ZNF652: variants seen among roughly 807,000 people sequenced by gnomAD.
ZNF652 encodes the protein zinc finger protein 652.
In ZNF652, 16 loss-of-function variants were observed where a neutral mutation model predicts 45.2. That is an observed-to-expected ratio of 0.35 (90% confidence interval 0.24 to 0.54). The LOEUF (loss-of-function observed/expected upper bound fraction) is 0.54. Ranked by LOEUF, ZNF652 falls within the 20% of genes least tolerant of loss-of-function variation. The pLI is 0.91. For synonymous variants in ZNF652, 250 were observed against 260.6 expected, an observed-to-expected ratio of 0.96 and a Z score of 0.39; for missense variants, 614 against 765.6, an observed-to-expected ratio of 0.80 and a Z score of 2.34.
intron 1 of ZNF652, among the ~76,000 whole-genome samples, chr17:49,349,190 G>C (rs962658765): frequency 1.3e-5 from 2 of 152,158 alleles, no homozygotes; most frequent in African/African-American, 4.8e-5. Context: ...AGTACTTTGG[G>C]AAGGATTGAA....
rs527648691 is a variant in ZNF652, at chr17:49,331,999, A to G, written c.-258-14016T>C. 1.2e-4 allele frequency among the ~76,000 whole-genome samples: 18 copies of G among 151,538 alleles called. 1 individual carries two copies. In the South Asian group the frequency reaches 3.8e-3, roughly 32 times the overall value. ...ATAAAATAAAATAAAATATAAAATA[A>G]AAGGCTGGGCATGGTGGCTCACACC... On this transcript the variant is annotated intron_variant, in intron 1 of 5. Coordinates refer to ENST00000430262, the MANE Select transcript of ZNF652 (RefSeq NM_001145365.3).
chr17:49,322,978 T>C lies in ZNF652; in HGVS notation c.-258-4995A>G, dbSNP rs1181575092. The stretch of plus-strand genomic sequence containing the variant: ...CCGATGGGGGGTCTTGCTTCAATGT[T>C]GATGGCTTCTGCATGATCAGGGTGG... On this transcript the variant is annotated intron_variant, in intron 1 of 5. Transcript: ENST00000430262. Among the ~76,000 whole-genome samples, 4 of 152,336 alleles carry C rather than the reference T, an allele frequency of 2.6e-5. No individual in the cohort carries two copies. In the Middle Eastern group the frequency reaches 0.014, roughly 518 times the overall value.
chr17:49,357,414 A>G (rs918828783), intron 1 of ZNF652, among the ~76,000 whole-genome samples: 4 of 152,194 alleles, frequency 2.6e-5, no homozygotes, highest in Non-Finnish European at 5.9e-5. Context: ...ATAAAATCTG[A>G]CAGGTAAAGA....
Position 49,326,001 on chromosome 17 carries a change from C to T in ZNF652, c.-258-8018G>A, listed in dbSNP as rs527820749. On this transcript the variant is annotated intron_variant, in intron 1 of 5. Transcript: ENST00000430262. ...CATAAGTCCTGTTTACTTTAGTGCA[C>T]GATTTTGCAGAATGGGGGCTTTTCG... 3.3e-5 allele frequency among the ~76,000 whole-genome samples: 5 copies of T among 152,080 alleles called. No homozygotes were observed. The South Asian group carries it at 6.2e-4, about 19-fold the overall frequency.
intron 1 of ZNF652, among the ~76,000 whole-genome samples, chr17:49,358,541 A>T (rs2070361300): frequency 1.3e-5 from 2 of 152,260 alleles, no homozygotes; most frequent in South Asian, 4.1e-4. Context: ...GTATAGTCAC[A>T]TTTTTTTGGT....
In ZNF652 at chr17:49,293,818, T is replaced by A. The variant is rs915618055; in HGVS notation, c.*4595A>T. ...AACAGTAATTAGCTGATACAATTCT[T>A]AAATGTAATGTATCCCTTTTTTCAT... On this transcript the variant is annotated 3_prime_UTR_variant, in exon 6 of 6. Coordinates refer to ENST00000430262, the MANE Select transcript of ZNF652 (RefSeq NM_001145365.3). Among the ~76,000 whole-genome samples, 4 of 152,174 alleles carry A rather than the reference T, an allele frequency of 2.6e-5. No homozygotes were observed. The highest frequency in any genetic ancestry group is 7.2e-5 in the African/African-American group (3 of 41,440).
downstream of ZNF652, chr17:49,288,322 C>T (rs1235200649): frequency 6.6e-6 from 1 of 152,036 alleles, no homozygotes; most frequent in African/African-American, 2.4e-5. Flanking sequence ...GTTAGAGATA[C>T]AAGATGATAA....
rs896247195 is a variant in ZNF652 at position 49,298,037 on chromosome 17, G to A, written c.*376C>T. 1.4e-5 allele frequency: 3 copies of A among 215,272 alleles called. No individual in the cohort carries two copies. The highest frequency in any genetic ancestry group is 5.2e-5 in the Admixed American group (1 of 19,120). 13.3% of individuals were successfully genotyped at this position (215,272 alleles called of 1,614,324 possible). A position where few individuals can be genotyped will look rare whatever the true frequency, so the allele number is the denominator to read the frequency against. On this transcript the variant is annotated 3_prime_UTR_variant, in exon 6 of 6. Coordinates refer to ENST00000430262, the MANE Select transcript of ZNF652 (RefSeq NM_001145365.3). ...TCTGGATTAATCTCACAGCCTTCCC[G>A]ATTAGTACAAAGGAAACCAGGCCTA...
intron 5 of ZNF652, among the ~76,000 whole-genome samples, chr17:49,302,071 G>GT (rs2069560730): frequency 6.6e-6 from 1 of 151,984 alleles, no homozygotes; most frequent in Non-Finnish European, 1.5e-5. Context: ...GGGCAACATG[G>GT]TAAGACCCTG....
chr17:49,328,849 T>C (rs1010360434), intron 1 of ZNF652, among the ~76,000 whole-genome samples: 5 of 152,362 alleles, frequency 3.3e-5, no homozygotes, highest in Admixed American at 3.3e-4. Flanking sequence ...ATTTTACAGC[T>C]GAGGCTCAAC....
At chr17:49,308,341 C>T (rs2143749799) in intron 5 of ZNF652, among the ~76,000 whole-genome samples, 1 of 152,116 alleles carries the variant, frequency 6.6e-6, no homozygotes, top group Middle Eastern at 3.4e-3. Flanking sequence ...CCACCCCTGC[C>T]TAACTTTTGT....
At position 49,293,797 on chromosome 17, in the gene ZNF652, G is replaced by A. The variant is rs1382133054; in HGVS notation, c.*4616C>T. On this transcript the variant is annotated 3_prime_UTR_variant, in exon 6 of 6. Coordinates refer to ENST00000430262, the MANE Select transcript of ZNF652 (RefSeq NM_001145365.3). ...CAAATGAGTTGATTTTTTTAAAACA[G>A]TAATTAGCTGATACAATTCTTAAAT... 6.6e-6 allele frequency among the ~76,000 whole-genome samples: 1 copy of A among 151,310 alleles called. No individual in the cohort carries two copies. Among genetic ancestry groups the A allele is most frequent in the Non-Finnish European group, 1.5e-5 (1 of 67,940 alleles).
Position 49,297,774 on chromosome 17 carries a change from C to A in ZNF652, c.*639G>T, listed in dbSNP as rs574127565. On this transcript the variant is annotated 3_prime_UTR_variant, in exon 6 of 6. Coordinates refer to ENST00000430262, the MANE Select transcript of ZNF652 (RefSeq NM_001145365.3). ...AGGTTCAGCTACACTGAAAAAATTA[C>A]ACTGCTTATTGAAATACATTTCATT... 1 of 152,720 alleles carries A rather than the reference C, an allele frequency of 6.5e-6. No individual in the cohort carries two copies. The highest frequency in any genetic ancestry group is 1.9e-4 in the East Asian group (1 of 5,184). 9.5% of individuals were successfully genotyped at this position (152,720 alleles called of 1,614,324 possible).
chr17:49,360,953 C>T (rs1282588352), intron 1 of ZNF652, among the ~76,000 whole-genome samples: 1 of 152,138 alleles, frequency 6.6e-6, no homozygotes, highest in Non-Finnish European at 1.5e-5. Context: ...TGCTTGAACA[C>T]GGGAACAATC....
chr17:49,301,873 C>A (rs2069557709), intron 5 of ZNF652, among the ~76,000 whole-genome samples: 1 of 151,912 alleles, frequency 6.6e-6, no homozygotes, highest in South Asian at 2.1e-4. Flanking sequence ...TAGTAAAAAA[C>A]AAACAAAAGC....
intron 1 of ZNF652, among the ~76,000 whole-genome samples, chr17:49,357,417 G>C (rs2070349336): frequency 6.6e-6 from 1 of 152,074 alleles, no homozygotes; most frequent in Admixed American, 6.6e-5. Flanking sequence ...AAATCTGACA[G>C]GTAAAGACAC....
intron 5 of ZNF652, among the ~76,000 whole-genome samples, chr17:49,308,845 T>G (rs886393310): frequency 6.6e-6 from 1 of 151,416 alleles, no homozygotes; most frequent in South Asian, 2.1e-4. Context: ...ATTTAGGTAG[T>G]TGTATTCCTT....
At chr17:49,351,010 T>TAC (rs2070272031) in intron 1 of ZNF652, among the ~76,000 whole-genome samples, 7 of 19,644 alleles carry the variant, frequency 3.6e-4, no homozygotes, top group South Asian at 2.0e-3. Flanking sequence ...TATATATATA[T>TAC]ATATACACAC....
chr17:49,305,825 G>A (rs1013890774), intron 5 of ZNF652, among the ~76,000 whole-genome samples: 2 of 152,166 alleles, frequency 1.3e-5, no homozygotes, highest in African/African-American at 4.8e-5. Context: ...AACCCTGACT[G>A]ATGGCTGGTC....
Sources: allele counts gnomAD v4.1 joint callset (sites outside exome capture counted in the v4.1 genomes callset), GRCh38; gene constraint gnomAD v4.1.1; transcripts MANE v1.5; gene names NCBI Gene and HGNC (gene_info 2026-07-23, HGNC 2026-07-21).